The following HDAC7 variants were observed in gnomAD, a reference collection of about 807,000 sequenced individuals.
The protein encoded by HDAC7 is histone deacetylase 7A.
HDAC7 carries 26 observed loss-of-function variants against 115.5 expected under a neutral mutation model. That is an observed-to-expected ratio of 0.23 (90% CI 0.16 to 0.31). HDAC7 has a LOEUF of 0.31. HDAC7 is among the 10% of genes least tolerant of loss of function. HDAC7 has a pLI of 1.00. For synonymous variants in HDAC7, 564 were observed against 550.9 expected (o/e 1.02, Z -0.33); for missense variants, 1,068 against 1,329.0 (o/e 0.80, Z 3.05).
intron 16 of HDAC7, chr12:47,790,166 A>T (rs767183525): frequency 2.9e-5 from 15 of 511,656 alleles, no homozygotes; most frequent in Non-Finnish European, 5.0e-5. Context: ...TGGCAGCATC[A>T]CGCCTGCCTC....
In HDAC7 at chr12:47,794,776, A is replaced by T. The variant is rs753048155; in HGVS notation, c.1442T>A (p.Leu481His). 1 of 1,604,052 alleles carries T rather than the reference A, an allele frequency of 6.2e-7. No homozygotes were observed. Among genetic ancestry groups the T allele is most frequent in the African/African-American group, 1.3e-5 (1 of 74,442 alleles). Residue 481 changes from leucine to histidine, a missense_variant, in exon 12 of 26, where the codon CTC (leucine) becomes CAC (histidine). Physicochemically the swap from Leu to His is moderately conservative, Grantham distance 99. Around this residue, in one of 6 missense-constraint regions of HDAC7, gnomAD observed 618 missense variants for 701.5 expected, o/e 0.88. Coordinates refer to ENST00000080059, the MANE Select transcript of HDAC7 (RefSeq NM_015401.5). ...GQPEARGPAP[L>H]QQHPQVLLWE... The stretch of plus-strand genomic sequence containing the variant: ...CTGCCATACCTGAGGGTGCTGCTGG[A>T]GAGGAGCGGGGCCTCTGGCCTCAGG...
intron 7 of HDAC7, among the ~76,000 whole-genome samples, chr12:47,796,639 G>A (rs1162652703): frequency 6.6e-6 from 1 of 152,004 alleles, no homozygotes; most frequent in Non-Finnish European, 1.5e-5. Context: ...GTCCAGGCTG[G>A]TCTCAAACTC....
At chr12:47,784,002 C>T (rs1051320072) in intron 25 of HDAC7, 77 bp downstream of exon 25, 38 of 1,600,220 alleles carry the variant, frequency 2.4e-5, no homozygotes, top group Middle Eastern at 1.7e-4. Context: ...GGCTGCATAG[C>T]GGACCCGGGG....
intron 1 of HDAC7, among the ~76,000 whole-genome samples, chr12:47,818,655 G>A (rs1944916891): frequency 1.3e-5 from 2 of 152,194 alleles, no homozygotes; most frequent in Non-Finnish European, 1.5e-5. Context: ...CTCCCAGCAG[G>A]GCCGCTGAGG....
Position 47,794,813 on chromosome 12 carries a change from C to G in HDAC7, c.1405G>C (p.Gly469Arg), listed in dbSNP as rs1943717297. The G allele has an allele frequency of 6.2e-7, 1 of 1,612,960 alleles. No homozygotes were observed. Among genetic ancestry groups the G allele is most frequent in the Non-Finnish European group, 8.5e-7 (1 of 1,179,836 alleles). The change falls in exon 12 of 26, where the codon GGC (glycine) becomes CGC (arginine). Residue 469 changes from glycine (G) to arginine (R), a missense_variant. Coordinates refer to ENST00000080059, the MANE Select transcript of HDAC7 (RefSeq NM_015401.5). ...VDDGLEHREL[G>R]HGQPEARGPA... Reference sequence around the variant, plus strand: ...CCTCTGGCCTCAGGCTGCCCATGGCCCAGCTCCCTGTGCTCCAGGCCATCG... The same window carrying G: ...CCTCTGGCCTCAGGCTGCCCATGGCGCAGCTCCCTGTGCTCCAGGCCATCG...
chr12:47,790,179 C>G (rs752292380), intron 16 of HDAC7: 6 of 489,644 alleles, frequency 1.2e-5, no homozygotes, highest in East Asian at 1.1e-4. Flanking sequence ...CCTGCCTCCC[C>G]GGTCAGGGGA....
At chr12:47,799,916 A>G (rs1592671472) in intron 2 of HDAC7, among the ~76,000 whole-genome samples, 1 of 152,126 alleles carries the variant, frequency 6.6e-6, no homozygotes, top group Non-Finnish European at 1.5e-5. Flanking sequence ...GGCCGGCCCC[A>G]TGGGAGGGCA....
chr12:47,783,877 C>T lies in HDAC7; in HGVS notation c.2940G>A (p.Glu980=), dbSNP rs1272065659. The T allele has an allele frequency of 6.2e-7, 1 of 1,612,530 alleles. No individual in the cohort carries two copies. The highest frequency in any genetic ancestry group is 1.7e-5 in the Admixed American group (1 of 59,806). Residue 980 remains glutamate (E), a synonymous_variant, in exon 26 of 26, where the codon GAG becomes GAA. Transcript: ENST00000080059. ...VGILAEDRPS[E]QLVEEEEPMN... ...TAGGTTCTTCCTCCTCCACCAGCTG[C>T]TCCGAGGGCCTGTGGGGAGGGACAA...
rs535582785 is a variant in HDAC7, at chr12:47,792,053, A to C, written c.1679-49T>G. ...GGGACCCAGGGAGTCCTCACGCCCC[A>C]TGGCCTTGGCTGCAGAGAACACGCC... On this transcript the variant is annotated intron_variant, in intron 13 of 25. Transcript: ENST00000080059. 2.6e-6 allele frequency: 4 copies of C among 1,546,290 alleles called. No individual in the cohort carries two copies. In the South Asian group the frequency reaches 4.8e-5, roughly 19 times the overall value.
At chr12:47,804,967 C>T (rs935434370) in intron 1 of HDAC7, among the ~76,000 whole-genome samples, 12 of 152,128 alleles carry the variant, frequency 7.9e-5, no homozygotes, top group Non-Finnish European at 1.6e-4. Flanking sequence ...CCTTGCCGAC[C>T]ACCTGCTCTC....
rs1943921894 is a variant in HDAC7 at position 47,797,496 on chromosome 12, G to A, written c.465C>T (p.Thr155=). Reference sequence around the variant, plus strand: ...CTCCTTCCGTCTCCAGGGGCTCCAGGGTTCTACAGAACGAGTGCCAAGGCT... The same window carrying A: ...CTCCTTCCGTCTCCAGGGGCTCCAGAGTTCTACAGAACGAGTGCCAAGGCT... ...HPNSPGIPYR[T]LEPLETEGAT... Residue 155 remains threonine, a synonymous_variant, in exon 6 of 26, where the codon ACC becomes ACT. Coordinates refer to ENST00000080059, the MANE Select transcript of HDAC7 (RefSeq NM_015401.5). This position sits in a 1 kb window ranked among gnomAD's most constrained non-coding sequence, Gnocchi z 5.5. The A allele has an allele frequency of 6.2e-7, 1 of 1,609,488 alleles. No individual in the cohort carries two copies.
At position 47,786,380 on chromosome 12, in the gene HDAC7, G is replaced by A. The variant is rs747362424; in HGVS notation, c.2572+205C>T. ...CTGGTCAAGCCCTCCGTGGTGAACC[G>A]GCCTGGTCCTGAGAAAGGGCTTGGG... On this transcript the variant is annotated intron_variant, in intron 22 of 25. Coordinates refer to ENST00000080059, the MANE Select transcript of HDAC7 (RefSeq NM_015401.5). 4.6e-5 allele frequency among the ~76,000 whole-genome samples: 7 copies of A among 152,230 alleles called. No homozygotes were observed. In the South Asian group the frequency reaches 6.2e-4, roughly 13 times the overall value.
Position 47,782,853 on chromosome 12 carries a change from G to C in HDAC7, c.*988C>G, listed in dbSNP as rs1013077664. 8.6e-6 allele frequency: 1 copy of C among 116,770 alleles called. No homozygotes were observed. Among genetic ancestry groups the C allele is most frequent in the Non-Finnish European group, 2.2e-5 (1 of 45,760 alleles). The allele number at this position is 116,770 out of a possible 1,614,324, so 7.2% of individuals were successfully genotyped here. ...ACACACACGCCTCACTCACACACAC[G>C]CTCACACACACGCCTCACTCACACA... On this transcript the variant is annotated 3_prime_UTR_variant, in exon 26 of 26. Transcript: ENST00000080059.
chr12:47,808,111 G>A (rs991200926), intron 1 of HDAC7, among the ~76,000 whole-genome samples: 3 of 152,222 alleles, frequency 2.0e-5, no homozygotes, highest in Non-Finnish European at 2.9e-5. Flanking sequence ...CAAACAGGAG[G>A]CTGGATGTAA....
At chr12:47,796,917 G>A (rs1016268607) in intron 7 of HDAC7, 100 bp downstream of exon 7, 2 of 1,370,804 alleles carry the variant, frequency 1.5e-6, no homozygotes, top group African/African-American at 1.5e-5. Flanking sequence ...ACGCATGGCA[G>A]TCCTAAGGAG....
At chr12:47,814,015 G>T (rs773708749) in intron 1 of HDAC7, among the ~76,000 whole-genome samples, 1 of 152,360 alleles carries the variant, frequency 6.6e-6, no homozygotes, top group South Asian at 2.1e-4. Flanking sequence ...CCTCCTGAGA[G>T]GGGTGAAGCG....
chr12:47,801,376 T>G (rs1236412819), intron 2 of HDAC7, among the ~76,000 whole-genome samples: 2 of 152,238 alleles, frequency 1.3e-5, no homozygotes, highest in Non-Finnish European at 2.9e-5. Flanking sequence ...GAAAGTACCC[T>G]GGCACAGAGA....
chr12:47,821,199 T>C (rs536435153), upstream of HDAC7, among the ~76,000 whole-genome samples: 2 of 152,318 alleles, frequency 1.3e-5, no homozygotes, highest in South Asian at 4.1e-4. Context: ...GGTGGAGTCA[T>C]GTCTGATTGG....
intron 24 of HDAC7, chr12:47,784,450 G>A: frequency 1.7e-6 from 1 of 604,920 alleles, no homozygotes; most frequent in South Asian, 2.1e-5. Flanking sequence ...AGTCCTAGCA[G>A]GTGCCCAGCC....
Sources: gnomAD v4.1 joint callset for allele counts (sites outside exome capture counted in the v4.1 genomes callset) on GRCh38, gnomAD v4.1.1 for gene constraint, gnomAD v4.1.1 regional missense constraint, Gnocchi (gnomAD v3.1) non-coding constraint, MANE v1.5 for transcripts, NCBI Gene and HGNC (gene_info 2026-07-23, HGNC 2026-07-21) for gene names.